The following SCN7A variants were observed in gnomAD, a reference collection of about 807,000 sequenced individuals.
The protein encoded by SCN7A is sodium voltage-gated channel alpha subunit 7.
A neutral mutation model predicts 155.2 loss-of-function variants in SCN7A; 138 were observed. That is an observed-to-expected ratio of 0.89 (90% CI 0.77 to 1.02). The LOEUF (loss-of-function observed/expected upper bound fraction) is 1.02. SCN7A is among the 50% of genes least tolerant of loss of function. The pLI, the probability that SCN7A is intolerant of heterozygous loss-of-function variation, is 0.00. For missense variants in SCN7A, 2,058 were observed against 1,986.6 expected, an observed-to-expected ratio of 1.04 and a Z score of -0.68; for synonymous variants, 693 against 649.0, an observed-to-expected ratio of 1.07 and a Z score of -1.03.
chr2:166,460,729 C>G (rs1575047570), intron 10 of SCN7A, among the ~76,000 whole-genome samples: 2 of 151,976 alleles, frequency 1.3e-5, no homozygotes, highest in African/African-American at 4.8e-5. Context: ...GAGAAAAGCT[C>G]ATTTAGGAAG....
intron 3 of SCN7A, among the ~76,000 whole-genome samples, chr2:166,474,940 TAATG>T (rs985772016): frequency 5.3e-5 from 8 of 150,854 alleles, no homozygotes; most frequent in Non-Finnish European, 4.4e-5. Flanking sequence ...TAACAAAAAA[TAATG>T]AAATATCAGA....
At chr2:166,475,080 GTATATATATATACACATATATATGTA>G (rs1450423297) in intron 3 of SCN7A, among the ~76,000 whole-genome samples, 5 of 85,880 alleles carry the variant, frequency 5.8e-5, no homozygotes, top group African/African-American at 7.3e-5. Context: ...TTATATTTGT[GTATATATATATACACATATATATGTA>G]TATATATATA....
intron 11 of SCN7A, among the ~76,000 whole-genome samples, chr2:166,447,925 C>T (rs1702100922): frequency 6.6e-6 from 1 of 152,102 alleles, no homozygotes; most frequent in Non-Finnish European, 1.5e-5. Context: ...AATTGGAATA[C>T]ATATCATCTG....
Position 166,457,053 on chromosome 2 carries a change from G to A in SCN7A, c.1107C>T (p.Val369=). Residue 369 remains valine, a synonymous_variant, in exon 11 of 26, where the codon GTC becomes GTT. Coordinates refer to ENST00000643258, the MANE Select transcript of SCN7A (RefSeq NM_002976.4). ...TTACCACCACAAAAAATATCATGTAGACCTTCCCAGAAGCATAAAGTATCT... is the reference window on the plus strand; with the variant it reads ...TTACCACCACAAAAAATATCATGTAAACCTTCCCAGAAGCATAAAGTATCT... The part of the protein sequence containing the change: ...YHQILYASGK[V]YMIFFVVVSF... 1 of 1,608,456 alleles carries A rather than the reference G, an allele frequency of 6.2e-7. No individual in the cohort carries two copies. Among genetic ancestry groups the A allele is most frequent in the Non-Finnish European group, 8.5e-7 (1 of 1,177,746 alleles).
chr2:166,476,673 C>G (rs1702804733), intron 3 of SCN7A, among the ~76,000 whole-genome samples: 2 of 152,120 alleles, frequency 1.3e-5, no homozygotes, highest in Admixed American at 6.6e-5. Context: ...CCTTTGATCA[C>G]CATATTAAAT....
intron 5 of SCN7A, among the ~76,000 whole-genome samples, chr2:166,473,462 T>C (rs561823373): frequency 2.6e-5 from 4 of 151,542 alleles, no homozygotes; most frequent in Non-Finnish European, 5.9e-5. Flanking sequence ...CCCCAGAAAA[T>C]TTAATGGGCC....
At chr2:166,470,489 A>G in intron 7 of SCN7A, 126 bp downstream of exon 7, 1 of 734,644 alleles carries the variant, frequency 1.4e-6, no homozygotes, top group Non-Finnish European at 2.1e-6. Flanking sequence ...AATTTCAGAT[A>G]ACTCACTGGT....
At chr2:166,461,160 ATATAT>A (rs980553331) in intron 10 of SCN7A, among the ~76,000 whole-genome samples, 8 of 150,184 alleles carry the variant, frequency 5.3e-5, no homozygotes, top group African/African-American at 1.5e-4. Flanking sequence ...TGTGCCCCAA[ATATAT>A]TATATTAGCC....
chr2:166,417,262 A>C (rs1164980019), intron 20 of SCN7A, among the ~76,000 whole-genome samples: 1 of 152,128 alleles, frequency 6.6e-6, no homozygotes, highest in African/African-American at 2.4e-5. Context: ...TCACCAGGTC[A>C]GGAGATCAAG....
At chr2:166,419,650 A>C (rs1701470058) in intron 20 of SCN7A, among the ~76,000 whole-genome samples, 2 of 152,060 alleles carry the variant, frequency 1.3e-5, no homozygotes, top group Admixed American at 6.6e-5. Flanking sequence ...TAGAGGTGTA[A>C]GCCACCGTGC....
At chr2:166,410,196 C>T (rs1701169854) in intron 24 of SCN7A, 24 bp downstream of exon 24, 3 of 1,490,004 alleles carry the variant, frequency 2.0e-6, no homozygotes, top group South Asian at 2.6e-5. Flanking sequence ...ATTGAAGTTT[C>T]AAAAAATCTA....
At chr2:166,480,761 G>C (rs1021338519) in intron 2 of SCN7A, among the ~76,000 whole-genome samples, 4 of 152,140 alleles carry the variant, frequency 2.6e-5, no homozygotes, top group African/African-American at 9.7e-5. Flanking sequence ...TCTGGGTGAA[G>C]GACTAAAGAT....
chr2:166,450,343 A>C (rs1702150304), intron 11 of SCN7A, among the ~76,000 whole-genome samples: 1 of 152,136 alleles, frequency 6.6e-6, no homozygotes, highest in Non-Finnish European at 1.5e-5. Context: ...GCGGGTGGGC[A>C]AGGGTTGAAG....
chr2:166,449,659 A>T (rs1559110686), intron 11 of SCN7A, among the ~76,000 whole-genome samples: 1 of 152,130 alleles, frequency 6.6e-6, no homozygotes, highest in African/African-American at 2.4e-5. Context: ...ACTTCCCCAA[A>T]GAAGGTATAC....
intron 1 of SCN7A, among the ~76,000 whole-genome samples, chr2:166,491,367 G>A (rs1683099161): frequency 6.6e-6 from 1 of 152,118 alleles, no homozygotes; most frequent in African/African-American, 2.4e-5. Context: ...CCAGCACCAG[G>A]CTGAGTCAAT....
At position 166,447,638 on chromosome 2, in the gene SCN7A, T is replaced by C. The variant is rs1183609025; in HGVS notation, c.1361A>G (p.Glu454Gly). The C allele has an allele frequency of 6.2e-7, 1 of 1,611,534 alleles. No homozygotes were observed. The change falls in exon 12 of 26, where the codon GAA (glutamate) becomes GGA (glycine). Residue 454 changes from glutamate to glycine, a missense_variant. Glu to Gly is a moderately conservative substitution (Grantham distance 98). Coordinates refer to ENST00000643258, the MANE Select transcript of SCN7A (RefSeq NM_002976.4). The part of the protein sequence containing the change: ...ISTDTSLDVL[E>G]DATLRHKEEL... The stretch of plus-strand genomic sequence containing the variant: ...TTCCTTATGTCTGAGAGTAGCATCT[T>C]CCAACACATCCAATGATGTGTCTGT...
intron 5 of SCN7A, among the ~76,000 whole-genome samples, chr2:166,473,067 T>C (rs894203709): frequency 5.9e-5 from 9 of 151,518 alleles, no homozygotes; most frequent in Admixed American, 4.0e-4. Context: ...AAATAACTAA[T>C]GAGAACTAGG....
chr2:166,406,429 A>G lies in SCN7A; in HGVS notation c.4200T>C (p.Tyr1400=), dbSNP rs33953730. Residue 1400 remains tyrosine, a synonymous_variant, in exon 26 of 26, where the codon TAT becomes TAC. Transcript: ENST00000643258. The part of the protein sequence containing the change: ...VMFIYAVFGM[Y]NFAYVKKEAG... ...CTTCTTTTTTAACATAGGCAAAATT[A>G]TACATTCCAAATACGGCATAGATGA... 147,376 of 1,612,920 alleles carry G rather than the reference A, an allele frequency of 0.091. 7,457 individuals carry two copies. Among genetic ancestry groups the G allele is most frequent in the Middle Eastern group, 0.17 (1,048 of 6,052 alleles).
chr2:166,436,087 C>T (rs1335789670), intron 15 of SCN7A, among the ~76,000 whole-genome samples: 3 of 152,096 alleles, frequency 2.0e-5, no homozygotes, highest in African/African-American at 7.2e-5. Context: ...TTGTTATGTT[C>T]ATTCCTCCAT....
Sources: allele counts gnomAD v4.1 joint callset (sites outside exome capture counted in the v4.1 genomes callset), GRCh38; gene constraint gnomAD v4.1.1; transcripts MANE v1.5; gene names NCBI Gene and HGNC (gene_info 2026-07-23, HGNC 2026-07-21).